The following SLC23A2 variants were observed in gnomAD, a reference collection of about 807,000 sequenced individuals.
SLC23A2 encodes the protein solute carrier family 23 member 2, also known as Na(+)/L-ascorbic acid transporter 2.
SLC23A2 carries 36 observed loss-of-function variants against 73.3 expected under a neutral mutation model. That is an observed-to-expected ratio of 0.49 (90% CI 0.38 to 0.65). SLC23A2 has a LOEUF of 0.65. Ranked by LOEUF, SLC23A2 falls within the 30% of genes least tolerant of loss-of-function variation. SLC23A2 has a pLI of 0.00. For missense variants in SLC23A2, 507 were observed against 841.6 expected, an observed-to-expected ratio of 0.60 and a Z score of 4.92; for synonymous variants, 343 against 327.3, an observed-to-expected ratio of 1.05 and a Z score of -0.52.
chr20:4,884,071 T>C (rs6116569), intron 8 of SLC23A2, among the ~76,000 whole-genome samples: 95,797 of 152,068 alleles, frequency 0.63, 32,794 homozygotes, highest in African/African-American at 0.91. Flanking sequence ...CATGCCTTTT[T>C]CACTGTTAAA....
intron 2 of SLC23A2, among the ~76,000 whole-genome samples, chr20:4,957,518 T>A (rs1481098823): frequency 2.0e-5 from 3 of 150,758 alleles, no homozygotes; most frequent in Non-Finnish European, 3.0e-5. Flanking sequence ...GGGGGATAGA[T>A]TATGTGAGGA....
In SLC23A2 at chr20:4,932,417, C is replaced by A. The variant is rs759637987; in HGVS notation, c.108+38G>T. 6 of 1,149,564 alleles carry A rather than the reference C, an allele frequency of 5.2e-6. No individual in the cohort carries two copies. In the Admixed American group the frequency reaches 1.0e-4, roughly 19 times the overall value. The allele number at this position is 1,149,564 out of a possible 1,614,324, so 71.2% of individuals were successfully genotyped here. A position where few individuals can be genotyped will look rare whatever the true frequency, so the allele number is the denominator to read the frequency against. ...GTTGATTCCATACGGAAACTACTTT[C>A]AAGAGATTTAAGAAAGGAAGATGGG... On this transcript the variant is annotated intron_variant, in intron 3 of 16. Transcript: ENST00000338244.
At chr20:4,968,891 G>C in intron 2 of SLC23A2, among the ~76,000 whole-genome samples, 1 of 146,180 alleles carries the variant, frequency 6.8e-6, no homozygotes, top group Admixed American at 6.8e-5. Context: ...GCTAATTTTT[G>C]TATTTTTAGT....
chr20:4,976,198 T>G (rs893869952), intron 1 of SLC23A2, among the ~76,000 whole-genome samples: 1 of 151,998 alleles, frequency 6.6e-6, no homozygotes, highest in Non-Finnish European at 1.5e-5. Context: ...TTTTTCTTTT[T>G]GCAAGAGTTT....
Position 4,867,753 on chromosome 20 carries a change from T to C in SLC23A2, c.1356+17A>G, listed in dbSNP as rs1383105161. 4.3e-6 allele frequency: 6 copies of C among 1,409,336 alleles called. No homozygotes were observed. The highest frequency in any genetic ancestry group is 6.0e-6 in the Non-Finnish European group (6 of 996,730). The allele number at this position is 1,409,336 out of a possible 1,614,324, so 87.3% of individuals were successfully genotyped here. On this transcript the variant is annotated intron_variant, in intron 13 of 16. Transcript: ENST00000338244. ...ATGCTTAGAAACCCAATCATTTAATTAGAAAAATCTGTGTACCTTTGTAAT... is the reference window on the plus strand; with the variant it reads ...ATGCTTAGAAACCCAATCATTTAATCAGAAAAATCTGTGTACCTTTGTAAT...
chr20:4,906,412 G>A (rs1407807576), intron 4 of SLC23A2, among the ~76,000 whole-genome samples: 1 of 151,998 alleles, frequency 6.6e-6, no homozygotes, highest in East Asian at 1.9e-4. Context: ...AATCACTTGA[G>A]GTCAGCCTGG....
intron 6 of SLC23A2, among the ~76,000 whole-genome samples, chr20:4,897,846 A>ATCC (rs1156714921): frequency 2.0e-5 from 3 of 152,220 alleles, no homozygotes; most frequent in African/African-American, 7.2e-5. Flanking sequence ...CACAGCTTTC[A>ATCC]TCCCCTATTC....
At chr20:4,901,393 G>C (rs1281235080) in intron 5 of SLC23A2, among the ~76,000 whole-genome samples, 1 of 152,126 alleles carries the variant, frequency 6.6e-6, no homozygotes, top group Non-Finnish European at 1.5e-5. Context: ...ACTTGAGAAG[G>C]GAAAAATGCT....
rs1433004209 is a variant in SLC23A2 at position 4,872,319 on chromosome 20, G to A, written c.1102+1617C>T. On this transcript the variant is annotated intron_variant, in intron 11 of 16. Coordinates refer to ENST00000338244, the MANE Select transcript of SLC23A2 (RefSeq NM_005116.6). This position sits in a 1 kb window ranked among gnomAD's most constrained non-coding sequence, Gnocchi z 4.4. ...TCCCTGGAGGTGGCTTTCTAGCTAT[G>A]GAGCTCTGGTACCCCACCAGCCCTC... 1.3e-5 allele frequency among the ~76,000 whole-genome samples: 2 copies of A among 151,624 alleles called. No homozygotes were observed. The highest frequency in any genetic ancestry group is 4.9e-5 in the African/African-American group (2 of 41,170).
chr20:4,976,584 G>A (rs1345745226), intron 1 of SLC23A2, among the ~76,000 whole-genome samples: 1 of 151,962 alleles, frequency 6.6e-6, no homozygotes, highest in Admixed American at 6.6e-5. Flanking sequence ...GCTGAGGCAA[G>A]AGAATTGCTT....
intron 3 of SLC23A2, among the ~76,000 whole-genome samples, chr20:4,915,982 A>T (rs959513842): frequency 6.6e-6 from 1 of 152,122 alleles, no homozygotes; most frequent in African/African-American, 2.4e-5. Flanking sequence ...AAAAATAAAA[A>T]CTATGCCAGA....
intron 2 of SLC23A2, among the ~76,000 whole-genome samples, chr20:4,966,065 C>T (rs561130969): frequency 2.0e-4 from 31 of 151,628 alleles, no homozygotes; most frequent in African/African-American, 7.5e-4. Context: ...GAGACCCTGT[C>T]CCCTCCAAAA....
At chr20:4,913,033 C>A (rs111438205) in intron 3 of SLC23A2, 55 bp from the exon 4 acceptor site, 7 of 1,164,936 alleles carry the variant, frequency 6.0e-6, no homozygotes, top group African/African-American at 3.0e-5. Context: ...TTTTCCTCCC[C>A]CCGAAAGCCA....
chr20:4,852,479 C>T lies in SLC23A2; in HGVS notation c.*4493G>A, dbSNP rs1322644074. Reference sequence around the variant, plus strand: ...ATTACATATTTTTAAAATACTTAAACGTTTAATGAAGCCATGTTAGAAAAA... The same window carrying T: ...ATTACATATTTTTAAAATACTTAAATGTTTAATGAAGCCATGTTAGAAAAA... On this transcript the variant is annotated 3_prime_UTR_variant, in exon 17 of 17. Coordinates refer to ENST00000338244, the MANE Select transcript of SLC23A2 (RefSeq NM_005116.6). This position sits in a 1 kb window ranked among gnomAD's most constrained non-coding sequence, Gnocchi z 4.3. 2.6e-5 allele frequency: 4 copies of T among 152,506 alleles called. No individual in the cohort carries two copies. The allele number at this position is 152,506 out of a possible 1,614,324, so 9.4% of individuals were successfully genotyped here.
At position 4,884,771 on chromosome 20, in the gene SLC23A2, C is replaced by T; in HGVS notation, c.624G>A (p.Trp208Ter). 6.2e-7 allele frequency: 1 copy of T among 1,608,726 alleles called. No individual in the cohort carries two copies. The highest frequency in any genetic ancestry group is 8.5e-7 in the Non-Finnish European group (1 of 1,177,502). ...CTTTTACCTCTCGGATCCGGGGATA[C>T]CAGATGTGTTCTGTGTGCAACAGCT... ...TAELLHTEHIWYPRIREIQGA... is the reference protein window; with the variant it reads ...TAELLHTEHI Residue 208 changes from tryptophan (W) to a stop codon, truncating the protein, a stop_gained, in exon 8 of 17, where the codon TGG becomes TGA. Transcript: ENST00000338244. LOFTEE classifies it high-confidence loss of function.
chr20:4,893,004 C>T (rs200913203), intron 6 of SLC23A2, among the ~76,000 whole-genome samples: 2 of 151,798 alleles, frequency 1.3e-5, no homozygotes, highest in East Asian at 3.9e-4. Context: ...TCCTGTGATA[C>T]ACAAGAGACA....
At chr20:4,939,275 T>C (rs2087005797) in intron 2 of SLC23A2, among the ~76,000 whole-genome samples, 1 of 152,318 alleles carries the variant, frequency 6.6e-6, no homozygotes, top group South Asian at 2.1e-4. Flanking sequence ...AAATGATTTT[T>C]TTAAGGCATG....
intron 9 of SLC23A2, among the ~76,000 whole-genome samples, chr20:4,877,184 TAAATAA>T (rs1907733338): frequency 6.6e-6 from 1 of 151,390 alleles, no homozygotes; most frequent in African/African-American, 2.4e-5. Context: ...AATAAATAAA[TAAATAA>T]AAATTCCCAT....
At position 4,902,074 on chromosome 20, in the gene SLC23A2, T is replaced by C. The variant is rs1448901996; in HGVS notation, c.324+368A>G. Among the ~76,000 whole-genome samples, 1 of 152,150 alleles carries C rather than the reference T, an allele frequency of 6.6e-6. No individual in the cohort carries two copies. The highest frequency in any genetic ancestry group is 1.5e-5 in the Non-Finnish European group (1 of 68,008). ...TCAACCAGGCTGAAGTGGAGTGGTGTGATCACAGCTCACTGCAACCTCAAC... is the reference window on the plus strand; with the variant it reads ...TCAACCAGGCTGAAGTGGAGTGGTGCGATCACAGCTCACTGCAACCTCAAC... On this transcript the variant is annotated intron_variant, in intron 5 of 16. Coordinates refer to ENST00000338244, the MANE Select transcript of SLC23A2 (RefSeq NM_005116.6). This position sits in a 1 kb window ranked among gnomAD's most constrained non-coding sequence, Gnocchi z 4.0.
Sources: gnomAD v4.1 joint callset for allele counts (sites outside exome capture counted in the v4.1 genomes callset) on GRCh38, gnomAD v4.1.1 for gene constraint, Gnocchi (gnomAD v3.1) non-coding constraint, MANE v1.5 for transcripts, NCBI Gene and HGNC (gene_info 2026-07-23, HGNC 2026-07-21) for gene names.